The following DENND2B variants were observed in gnomAD, a reference collection of about 807,000 sequenced individuals.
The protein encoded by DENND2B is DENN domain-containing protein 2B.
Under a neutral mutation model 116.0 loss-of-function variants are expected in DENND2B, and 32 were observed. The observed-to-expected ratio is 0.28, with a 90% confidence interval of 0.21 to 0.37. DENND2B has a LOEUF of 0.37. Among genes scored for constraint, DENND2B ranks in the 10% least tolerant of loss-of-function variants. The pLI is 1.00. For missense variants in DENND2B, 1,276 were observed against 1,477.7 expected, an observed-to-expected ratio of 0.86 and a Z score of 2.24; for synonymous variants, 588 against 583.9, an observed-to-expected ratio of 1.01 and a Z score of -0.10.
chr11:8,789,834 A>AACAG (rs2059227773), intron 1 of DENND2B, among the ~76,000 whole-genome samples: 1 of 152,236 alleles, frequency 6.6e-6, no homozygotes, highest in Admixed American at 6.5e-5. Context: ...ACATGCCTGT[A>AACAG]GTCCCAGCTA....
intron 1 of DENND2B, among the ~76,000 whole-genome samples, chr11:8,759,104 C>T (rs913110486): frequency 5.9e-5 from 9 of 152,216 alleles, no homozygotes; most frequent in African/African-American, 2.2e-4. Flanking sequence ...ACCTGATCCA[C>T]AGAGGCTCTC....
At chr11:8,753,968 G>C (rs948031745) in intron 1 of DENND2B, among the ~76,000 whole-genome samples, 1 of 150,616 alleles carries the variant, frequency 6.6e-6, no homozygotes, top group South Asian at 2.1e-4. Context: ...GAAGAAAACA[G>C]AAGTAAATCT....
In DENND2B at chr11:8,714,591, C is replaced by A; in HGVS notation, c.1942+19G>T. The A allele has an allele frequency of 6.2e-7, 1 of 1,609,098 alleles. No individual in the cohort carries two copies. The highest frequency in any genetic ancestry group is 8.5e-7 in the Non-Finnish European group (1 of 1,175,972). ...CAAGGGCCCCAAACAGCTGAACCAGCTCTGGCACCAAAGCCTACCTCTCAG... is the reference window on the plus strand; with the variant it reads ...CAAGGGCCCCAAACAGCTGAACCAGATCTGGCACCAAAGCCTACCTCTCAG... On this transcript the variant is annotated intron_variant, in intron 7 of 19. Transcript: ENST00000313726.
intron 4 of DENND2B, among the ~76,000 whole-genome samples, chr11:8,824,438 G>A (rs866160369): frequency 4.6e-5 from 7 of 152,114 alleles, no homozygotes; most frequent in African/African-American, 1.7e-4. Context: ...ATTTATAAGT[G>A]AGAACATGCG....
chr11:8,696,887 A>G (rs1213765705), intron 17 of DENND2B, among the ~76,000 whole-genome samples: 2 of 152,140 alleles, frequency 1.3e-5, no homozygotes, highest in African/African-American at 2.4e-5. Context: ...GGGTTCAAGC[A>G]ATTCTCCTGC....
chr11:8,711,671 C>T (rs1212462668), intron 9 of DENND2B, among the ~76,000 whole-genome samples: 1 of 152,030 alleles, frequency 6.6e-6, no homozygotes, highest in African/African-American at 2.4e-5. Flanking sequence ...AGTTCGAGAC[C>T]AGCCTGACCA....
upstream of DENND2B, among the ~76,000 whole-genome samples, chr11:8,815,490 G>C (rs2061537950): frequency 6.6e-6 from 1 of 152,072 alleles, no homozygotes; most frequent in African/African-American, 2.4e-5. Context: ...CACAACCACA[G>C]TGCACTGCCT....
intron 2 of DENND2B, among the ~76,000 whole-genome samples, chr11:8,876,878 CAA>C (rs34676489): frequency 0.025 from 3,057 of 122,656 alleles, 76 homozygotes; most frequent in East Asian, 0.093. Flanking sequence ...GATTCCGTCT[CAA>C]AAAAAAAAAA....
At chr11:8,826,121 T>C (rs1244494218) in intron 4 of DENND2B, among the ~76,000 whole-genome samples, 9 of 152,208 alleles carry the variant, frequency 5.9e-5, no homozygotes, top group Non-Finnish European at 1.3e-4. Flanking sequence ...CTACCGCTTT[T>C]ATCCCCACGG....
At chr11:8,711,644 G>C (rs2133799551) in intron 9 of DENND2B, among the ~76,000 whole-genome samples, 1 of 152,152 alleles carries the variant, frequency 6.6e-6, no homozygotes, top group Admixed American at 6.5e-5. Flanking sequence ...GAGACTGGCG[G>C]ATCACCTGAG....
intron 11 of DENND2B, among the ~76,000 whole-genome samples, chr11:8,709,013 C>T (rs571786641): frequency 2.6e-5 from 4 of 151,856 alleles, no homozygotes; most frequent in Admixed American, 2.6e-4. Flanking sequence ...CTCCCAGGCC[C>T]GGAGCCCCCA....
chr11:8,820,674 T>C (rs1406833177), intron 4 of DENND2B, among the ~76,000 whole-genome samples: 1 of 152,240 alleles, frequency 6.6e-6, no homozygotes, highest in Non-Finnish European at 1.5e-5. Context: ...CTGTATGTGA[T>C]GCTCTCTGCT....
At chr11:8,706,989 G>A (rs758249345) in intron 13 of DENND2B, 96 bp downstream of exon 13, 31 of 1,462,516 alleles carry the variant, frequency 2.1e-5, no homozygotes, top group East Asian at 4.6e-5. Context: ...AGGAGGGACC[G>A]TGCTCTGCAA....
rs575747271 is a variant in DENND2B, at chr11:8,791,458, T to C, written c.-26+19059A>G. ...TCTCTCACTAAAGGCTTTTTTTTTG[T>C]AAACTTAATCAGAAATATTCTTTTA... On this transcript the variant is annotated intron_variant, in intron 1 of 19. Coordinates refer to ENST00000313726, the MANE Select transcript of DENND2B (RefSeq NM_213618.2). Among the ~76,000 whole-genome samples, 34 of 152,308 alleles carry C rather than the reference T, an allele frequency of 2.2e-4. 1 individual carries two copies. In the South Asian group the frequency reaches 6.0e-3, roughly 27 times the overall value.
chr11:8,795,405 A>G (rs537297950), intron 1 of DENND2B, among the ~76,000 whole-genome samples: 360 of 152,314 alleles, frequency 2.4e-3, no homozygotes, highest in Non-Finnish European at 4.0e-3. Context: ...TTCCCAGCCA[A>G]CAGTAGCAGC....
rs146638951 is a variant in DENND2B, at chr11:8,724,672, C to T, written c.1477+1401G>A. Among the ~76,000 whole-genome samples the T allele has an allele frequency of 2.0e-3, 302 of 152,342 alleles. 1 individual carries two copies. The highest frequency in any genetic ancestry group is 6.8e-3 in the African/African-American group (283 of 41,582). On this transcript the variant is annotated intron_variant, in intron 4 of 19. Coordinates refer to ENST00000313726, the MANE Select transcript of DENND2B (RefSeq NM_213618.2). The stretch of plus-strand genomic sequence containing the variant: ...TTCCCACCTGTTGGAAGACAAATCC[C>T]AATGGAGTCTCGCATTTCTGCCCTT...
intron 1 of DENND2B, among the ~76,000 whole-genome samples, chr11:8,776,877 G>C (rs1263950678): frequency 6.6e-6 from 1 of 152,082 alleles, no homozygotes; most frequent in African/African-American, 2.4e-5. Context: ...TCTCCTTAGG[G>C]GTTCCTAGGC....
At chr11:8,754,029 G>GCGCGCACACACGCACACA (rs146486674) in intron 1 of DENND2B, among the ~76,000 whole-genome samples, 1 of 138,734 alleles carries the variant, frequency 7.2e-6, no homozygotes, top group Admixed American at 7.3e-5. Context: ...CCAAAAGCGC[G>GCGCGCACACACGCACACA]CACACACACA....
intron 2 of DENND2B, among the ~76,000 whole-genome samples, chr11:8,736,312 C>T (rs1305760911): frequency 6.6e-6 from 1 of 152,058 alleles, no homozygotes; most frequent in African/African-American, 2.4e-5. Context: ...AATCATACCA[C>T]TGCACTCCAG....
Sources: gnomAD v4.1 joint callset for allele counts (sites outside exome capture counted in the v4.1 genomes callset) on GRCh38, gnomAD v4.1.1 for gene constraint, MANE v1.5 for transcripts, NCBI Gene and HGNC (gene_info 2026-07-23, HGNC 2026-07-21) for gene names.